STRA6: variants seen among roughly 807,000 people sequenced by gnomAD.
STRA6 encodes signaling receptor and transporter of retinol STRA6.
A neutral mutation model predicts 83.6 loss-of-function variants in STRA6; 48 were observed. That is an observed-to-expected ratio of 0.57 (90% CI 0.46 to 0.73). STRA6 has a LOEUF of 0.73. Ranked by LOEUF, STRA6 falls within the 30% of genes least tolerant of loss-of-function variation. The probability of loss-of-function intolerance (pLI) is 0.00; values close to 1 mark genes in which losing one functional copy is unlikely to be tolerated. For missense variants in STRA6, 760 were observed against 838.8 expected, an observed-to-expected ratio of 0.91 and a Z score of 1.16; for synonymous variants, 353 against 362.3, an observed-to-expected ratio of 0.97 and a Z score of 0.29.
chr15:74,202,801 C>G, upstream of STRA6: 1 of 1,118,064 alleles, frequency 8.9e-7, no homozygotes, highest in Non-Finnish European at 1.1e-6. Flanking sequence ...TGGGCCCTCC[C>G]AGCTGGGCTC....
At chr15:74,207,757 C>T (rs934560803), upstream of STRA6, 101 of 1,535,606 alleles carry the variant, frequency 6.6e-5, no homozygotes, top group Non-Finnish European at 7.6e-5. Flanking sequence ...CAACCTCATG[C>T]GGGCCCGTGA....
chr15:74,202,239 G>GT lies in STRA6; in HGVS notation c.28dup (p.Thr10AsnfsTer18). The GT allele has an allele frequency of 6.5e-7, 1 of 1,539,878 alleles. No individual in the cohort carries two copies. The highest frequency in any genetic ancestry group is 8.7e-7 in the Non-Finnish European group (1 of 1,149,126). On this transcript the variant is annotated frameshift_variant, in exon 2 of 19. Transcript: ENST00000395105. LOFTEE classifies it high-confidence loss of function. ...GTAGTCCTCTGTGGCCCCGGGGGAG[G>GT]TCTGGTTCCCTGCTGGCTGGGACGA...
chr15:74,194,962 T>C, intron 7 of STRA6: 3 of 1,431,682 alleles, frequency 2.1e-6, no homozygotes, highest in Non-Finnish European at 2.7e-6. Flanking sequence ...TCCCATTCCC[T>C]CTCCAGCCTG....
chr15:74,208,257 A>G (rs2142115479), intron 1 of STRA6, among the ~76,000 whole-genome samples: 1 of 152,284 alleles, frequency 6.6e-6, no homozygotes, highest in Admixed American at 6.5e-5. Flanking sequence ...GAGGCAATCA[A>G]GAAGAGGCTG....
intron 2 of STRA6, among the ~76,000 whole-genome samples, chr15:74,198,211 A>C (rs1374697385): frequency 1.3e-5 from 2 of 151,332 alleles, no homozygotes; most frequent in African/African-American, 2.4e-5. Context: ...GGCTCAAAAG[A>C]TCCTCCCACC....
chr15:74,200,457 T>G (rs977609461), intron 2 of STRA6, among the ~76,000 whole-genome samples: 1 of 152,156 alleles, frequency 6.6e-6, no homozygotes, highest in Non-Finnish European at 1.5e-5. Flanking sequence ...ATGTTCTGGA[T>G]TTTAGGACAT....
At chr15:74,201,388 G>A (rs1346058052) in intron 2 of STRA6, among the ~76,000 whole-genome samples, 1 of 152,172 alleles carries the variant, frequency 6.6e-6, no homozygotes, top group East Asian at 1.9e-4. Flanking sequence ...GAACAACAGG[G>A]GAGAACTGGC....
chr15:74,186,834 T>C (rs1317094386), intron 12 of STRA6, among the ~76,000 whole-genome samples: 1 of 151,466 alleles, frequency 6.6e-6, no homozygotes, highest in Admixed American at 6.6e-5. Flanking sequence ...ACTCTGAGAG[T>C]TTCTGATTCA....
chr15:74,202,545 T>C, intron 1 of STRA6, 168 bp downstream of exon 1: 1 of 1,481,104 alleles, frequency 6.8e-7, no homozygotes, highest in South Asian at 1.3e-5. Flanking sequence ...GAGATAGCTG[T>C]CCCCTTGGGG....
intron 7 of STRA6, chr15:74,194,887 A>G: frequency 7.2e-7 from 1 of 1,382,660 alleles, no homozygotes; most frequent in Non-Finnish European, 9.3e-7. Flanking sequence ...AGGTTCCGGA[A>G]TTCTCCTCTC....
intron 6 of STRA6, 75 bp from the exon 7 acceptor site, chr15:74,195,543 T>C: frequency 6.3e-7 from 1 of 1,584,772 alleles, no homozygotes; most frequent in Non-Finnish European, 8.6e-7. Flanking sequence ...CACCCAGGCC[T>C]CTCTTCGGTC....
In STRA6 at chr15:74,180,154, T is replaced by C; in HGVS notation, c.1930A>G (p.Thr644Ala). 1 of 1,613,936 alleles carries C rather than the reference T, an allele frequency of 6.2e-7. No homozygotes were observed. Among genetic ancestry groups the C allele is most frequent in the South Asian group, 1.1e-5 (1 of 91,050 alleles). ...RGRARWGLAY[T>A]LLHNPTLQVF... ...TGCAGGGTTGGGTTGTGCAGCAGCG[T>C]GTAGGCCAGACCCCAGCGAGCCCTG... Residue 644 changes from threonine to alanine, a missense_variant, in exon 19 of 19, where the codon ACG becomes GCG. Thr to Ala is a moderately conservative substitution (Grantham distance 58). Coordinates refer to ENST00000395105, the MANE Select transcript of STRA6 (RefSeq NM_022369.4).
At chr15:74,210,954 T>A (rs555406742), upstream of STRA6, among the ~76,000 whole-genome samples, 1 of 152,260 alleles carries the variant, frequency 6.6e-6, no homozygotes, top group South Asian at 2.1e-4. Context: ...TTAAGTAGAA[T>A]AGAGCAGTAA....
At chr15:74,197,904 T>A in intron 2 of STRA6, 86 bp from the exon 3 acceptor site, 1 of 1,421,702 alleles carries the variant, frequency 7.0e-7, no homozygotes, top group Non-Finnish European at 9.7e-7. Context: ...CTGTTCACAC[T>A]GAGGCTTTAC....
upstream of STRA6, among the ~76,000 whole-genome samples, chr15:74,210,485 A>G (rs976801791): frequency 6.6e-6 from 1 of 152,208 alleles, no homozygotes; most frequent in Non-Finnish European, 1.5e-5. Flanking sequence ...AGGTAGACAT[A>G]TGTGTATGTA....
exon 1 of STRA6, chr15:74,209,021 T>C (rs763724318): frequency 1.5e-5 from 16 of 1,102,990 alleles, no homozygotes; most frequent in Non-Finnish European, 1.8e-5. Flanking sequence ...CTTTAAAAGG[T>C]GTTTGATCTG....
chr15:74,191,158 AC>A lies in STRA6; in HGVS notation c.865+8del. 1 of 1,613,794 alleles carries A rather than the reference AC, an allele frequency of 6.2e-7. No homozygotes were observed. The highest frequency in any genetic ancestry group is 8.5e-7 in the Non-Finnish European group (1 of 1,179,922). ...CTGTCACGCTCGGCCTCAGCTCCCA[AC>A]CCCATACCTGGCTGTGGAGTGTAGA... On this transcript the variant is annotated splice_region_variant and intron_variant, in intron 10 of 18. Transcript: ENST00000395105.
At position 74,182,408 on chromosome 15, in the gene STRA6, G is replaced by A. The variant is rs1405574611; in HGVS notation, c.1353C>T (p.Phe451=). Reference sequence around the variant, plus strand: ...CATGGAGCACAGGCATGAGCACCAGGAAGGCCAGGGCCGTGGTTCCCAGGA... The same window carrying A: ...CATGGAGCACAGGCATGAGCACCAGAAAGGCCAGGGCCGTGGTTCCCAGGA... ...IFFLGTTALA[F]LVLMPVLHGR... The change falls in exon 15 of 19, where the codon TTC becomes TTT. Residue 451 remains phenylalanine, a synonymous_variant. Coordinates refer to ENST00000395105, the MANE Select transcript of STRA6 (RefSeq NM_022369.4). 3 of 1,613,186 alleles carry A rather than the reference G, an allele frequency of 1.9e-6. No homozygotes were observed. The highest frequency in any genetic ancestry group is 2.7e-5 in the African/African-American group (2 of 75,042).
Position 74,182,396 on chromosome 15 carries a change from C to G in STRA6, c.1365G>C (p.Met455Ile), listed in dbSNP as rs199788899. The G allele has an allele frequency of 3.5e-4, 570 of 1,613,534 alleles. 4 individuals are homozygous for G. The highest frequency in any genetic ancestry group is 1.3e-3 in the South Asian group (114 of 90,988). ...GGAGGTTCCTGCCATGGAGCACAGG[C>G]ATGAGCACCAGGAAGGCCAGGGCCG... ...GTTALAFLVL[M>I]PVLHGRNLLL... Residue 455 changes from methionine to isoleucine, a missense_variant, in exon 15 of 19, where the codon ATG becomes ATC. Coordinates refer to ENST00000395105, the MANE Select transcript of STRA6 (RefSeq NM_022369.4).
Sources: gnomAD v4.1 joint callset for allele counts (sites outside exome capture counted in the v4.1 genomes callset) on GRCh38, gnomAD v4.1.1 for gene constraint, MANE v1.5 for transcripts, NCBI Gene and HGNC (gene_info 2026-07-23, HGNC 2026-07-21) for gene names.